MYO3B: variants seen among roughly 807,000 people sequenced by gnomAD.
MYO3B encodes the protein myosin IIIB, also known as myosin-IIIb.
In MYO3B, 156 loss-of-function variants were observed where a neutral mutation model predicts 174.6. The observed-to-expected ratio is 0.89, with a 90% confidence interval of 0.78 to 1.02. MYO3B has a LOEUF of 1.02. Among genes scored for constraint, MYO3B ranks in the 50% least tolerant of loss-of-function variants. The pLI is 0.00. For synonymous variants in MYO3B, 563 were observed against 569.1 expected, an observed-to-expected ratio of 0.99 and a Z score of 0.15; for missense variants, 1,632 against 1,639.4, an observed-to-expected ratio of 1.00 and a Z score of 0.08.
chr2:170,479,525 A>G (rs1575047130), intron 25 of MYO3B, among the ~76,000 whole-genome samples: 1 of 146,014 alleles, frequency 6.8e-6, no homozygotes, highest in Non-Finnish European at 1.5e-5. Context: ...ACATCTATAT[A>G]ATAGAGGTGT....
chr2:170,222,179 G>T (rs933645885), intron 6 of MYO3B, among the ~76,000 whole-genome samples: 118 of 152,266 alleles, frequency 7.7e-4, no homozygotes, highest in African/African-American at 2.7e-3. Flanking sequence ...TGACTTTAGG[G>T]CAGTTATGAC....
intron 25 of MYO3B, among the ~76,000 whole-genome samples, chr2:170,498,203 G>A (rs528019723): frequency 1.2e-3 from 187 of 152,234 alleles, no homozygotes; most frequent in East Asian, 0.011. Flanking sequence ...TTGCAAAGCA[G>A]AGTCAAAATA....
At chr2:170,609,804 G>T (rs971369950) in intron 32 of MYO3B, among the ~76,000 whole-genome samples, 5 of 152,200 alleles carry the variant, frequency 3.3e-5, no homozygotes, top group African/African-American at 1.2e-4. Flanking sequence ...CCATATCTCA[G>T]ATCTCCTAGA....
chr2:170,426,201 C>T (rs925108547), intron 22 of MYO3B, among the ~76,000 whole-genome samples: 4 of 151,448 alleles, frequency 2.6e-5, no homozygotes, highest in Admixed American at 1.3e-4. Context: ...ACAGGGGGTG[C>T]TGGGGCTCAT....
intron 23 of MYO3B, among the ~76,000 whole-genome samples, chr2:170,453,622 C>T (rs1683739700): frequency 6.6e-6 from 1 of 152,174 alleles, no homozygotes; most frequent in Non-Finnish European, 1.5e-5. Flanking sequence ...CACACCATAG[C>T]TGTGGGGACC....
chr2:170,404,633 A>G (rs894923232), intron 20 of MYO3B, among the ~76,000 whole-genome samples: 1 of 152,178 alleles, frequency 6.6e-6, no homozygotes, highest in Non-Finnish European at 1.5e-5. Flanking sequence ...CAACATGATT[A>G]GCATTACCCC....
intron 8 of MYO3B, among the ~76,000 whole-genome samples, chr2:170,338,787 G>A (rs1463851979): frequency 6.6e-6 from 1 of 152,094 alleles, no homozygotes; most frequent in Non-Finnish European, 1.5e-5. Context: ...ATTTTTAGCA[G>A]AGATGGGGTT....
In MYO3B at chr2:170,652,965, T is replaced by A; in HGVS notation, c.3888-18T>A. The A allele has an allele frequency of 6.2e-7, 1 of 1,612,568 alleles. No individual in the cohort carries two copies. Among genetic ancestry groups the A allele is most frequent in the Non-Finnish European group, 8.5e-7 (1 of 1,179,460 alleles). On this transcript the variant is annotated intron_variant, in intron 34 of 34. Transcript: ENST00000408978. ...GTTTTATTTTTTGTTGAAAATCCTG[T>A]TGTTTTCTTTGTTGCAGCCAAATCA...
chr2:170,513,982 A>C lies in MYO3B; in HGVS notation c.3371-939A>C, dbSNP rs117034063. On this transcript the variant is annotated intron_variant, in intron 28 of 34. Transcript: ENST00000408978. Reference sequence around the variant, plus strand: ...TTGGAAGCACTGCTGCCGGAAATAGAAATTGCCAAAGCCAGAAGGAAGGTG... The same window carrying C: ...TTGGAAGCACTGCTGCCGGAAATAGCAATTGCCAAAGCCAGAAGGAAGGTG... Among the ~76,000 whole-genome samples the C allele has an allele frequency of 1.0e-3, 152 of 152,368 alleles. 2 individuals carry two copies. In the East Asian group the frequency reaches 0.012, roughly 12 times the overall value.
intron 30 of MYO3B, among the ~76,000 whole-genome samples, 154 bp from the exon 31 acceptor site, chr2:170,542,752 G>T (rs1225940439): frequency 6.6e-6 from 1 of 152,188 alleles, no homozygotes; most frequent in Non-Finnish European, 1.5e-5. Flanking sequence ...TTTTCTTAAG[G>T]TGACCATGTC....
In MYO3B at chr2:170,449,669, C is replaced by T. The variant is rs373535550; in HGVS notation, c.2730+5623C>T. Among the ~76,000 whole-genome samples the T allele has an allele frequency of 8.0e-4, 121 of 151,630 alleles. No homozygotes were observed. In the South Asian group the frequency reaches 0.023, roughly 29 times the overall value. On this transcript the variant is annotated intron_variant, in intron 23 of 34. Transcript: ENST00000408978. The stretch of plus-strand genomic sequence containing the variant: ...GTACATGCCTGTAATCCTAGCTACT[C>T]GGGAGGCTGAGGCAGGAGAATTGCT...
chr2:170,595,811 T>C (rs41449649), intron 32 of MYO3B, among the ~76,000 whole-genome samples: 9,267 of 152,200 alleles, frequency 0.061, 654 homozygotes, highest in African/African-American at 0.17. Context: ...TGTGCCTTCG[T>C]AGGCTTCTCT....
At chr2:170,463,821 C>G (rs1286994470) in intron 24 of MYO3B, among the ~76,000 whole-genome samples, 1 of 152,228 alleles carries the variant, frequency 6.6e-6, no homozygotes, top group Non-Finnish European at 1.5e-5. Flanking sequence ...GTAAAACCCA[C>G]TTGTCTGAGC....
At chr2:170,440,497 C>G (rs976457035) in intron 22 of MYO3B, among the ~76,000 whole-genome samples, 1 of 152,110 alleles carries the variant, frequency 6.6e-6, no homozygotes, top group African/African-American at 2.4e-5. Context: ...CTTTTGCCTC[C>G]TTGATTAAAT....
At chr2:170,463,265 C>A in intron 23 of MYO3B, 103 bp from the exon 24 acceptor site, 2 of 844,712 alleles carry the variant, frequency 2.4e-6, no homozygotes, top group Non-Finnish European at 1.9e-6. Context: ...AATACCATGG[C>A]CCCTCAGGTA....
intron 10 of MYO3B, chr2:170,382,383 G>C: frequency 3.8e-6 from 1 of 263,222 alleles, no homozygotes; most frequent in Middle Eastern, 1.2e-3. Flanking sequence ...GATTATATCA[G>C]CTGAAAATAT....
intron 32 of MYO3B, among the ~76,000 whole-genome samples, chr2:170,547,836 G>A (rs1690631968): frequency 6.6e-6 from 1 of 152,152 alleles, no homozygotes; most frequent in Non-Finnish European, 1.5e-5. Context: ...GATGTTAGAA[G>A]GGTGAAGAGT....
intron 32 of MYO3B, among the ~76,000 whole-genome samples, chr2:170,631,846 A>G (rs1049726362): frequency 1.3e-5 from 2 of 152,234 alleles, no homozygotes; most frequent in African/African-American, 4.8e-5. Flanking sequence ...AGGGGTTGCA[A>G]TGCTACTCTC....
chr2:170,403,085 C>T (rs2094488504), intron 19 of MYO3B, 90 bp downstream of exon 19: 1 of 1,278,426 alleles, frequency 7.8e-7, no homozygotes, highest in Non-Finnish European at 1.1e-6. Flanking sequence ...TGTAGACTAA[C>T]AACTAAAAGA....
Sources: allele counts gnomAD v4.1 joint callset (sites outside exome capture counted in the v4.1 genomes callset), GRCh38; gene constraint gnomAD v4.1.1; transcripts MANE v1.5; gene names NCBI Gene and HGNC (gene_info 2026-07-23, HGNC 2026-07-21).